The following PTPRR variants were observed in gnomAD, a reference collection of about 807,000 sequenced individuals.
PTPRR encodes protein tyrosine phosphatase receptor type R, also known as receptor-type tyrosine-protein phosphatase R.
Under a neutral mutation model 77.2 loss-of-function variants are expected in PTPRR, and 38 were observed. The ratio of observed to expected loss-of-function variants is 0.49; its 90% CI spans 0.38 to 0.65. The LOEUF is 0.65. Ranked by LOEUF, PTPRR falls within the 30% of genes least tolerant of loss-of-function variation. The probability of loss-of-function intolerance (pLI) is 0.00; values close to 1 mark genes in which losing one functional copy is unlikely to be tolerated. For synonymous variants in PTPRR, 299 were observed against 283.1 expected, an observed-to-expected ratio of 1.06 and a Z score of -0.57; for missense variants, 744 against 799.2, an observed-to-expected ratio of 0.93 and a Z score of 0.83.
chr12:70,692,289 G>A lies in PTPRR; in HGVS notation c.1279+5976C>T, dbSNP rs567107375. Among the ~76,000 whole-genome samples the A allele has an allele frequency of 4.6e-5, 7 of 152,250 alleles. No individual in the cohort carries two copies. In the South Asian group the frequency reaches 8.3e-4, roughly 18 times the overall value. ...ATACTTATTGATAATTCAGTTTAGAGCAGCCCTGATCAATAGAATTTTCTG... is the reference window on the plus strand; with the variant it reads ...ATACTTATTGATAATTCAGTTTAGAACAGCCCTGATCAATAGAATTTTCTG... On this transcript the variant is annotated intron_variant, in intron 8 of 13. Transcript: ENST00000283228.
At chr12:70,794,706 C>T (rs577850062) in intron 2 of PTPRR, among the ~76,000 whole-genome samples, 1 of 152,276 alleles carries the variant, frequency 6.6e-6, no homozygotes, top group South Asian at 2.1e-4. Flanking sequence ...CTCAATGACA[C>T]AGGACCTTGA....
intron 2 of PTPRR, among the ~76,000 whole-genome samples, chr12:70,875,490 C>T (rs1893035406): frequency 6.6e-6 from 1 of 151,826 alleles, no homozygotes; most frequent in Admixed American, 6.6e-5. Context: ...AATAAAATGT[C>T]AAACAAAAAT....
intron 2 of PTPRR, among the ~76,000 whole-genome samples, chr12:70,767,659 G>A (rs1339516118): frequency 6.6e-6 from 1 of 152,150 alleles, no homozygotes; most frequent in African/African-American, 2.4e-5. Flanking sequence ...TCTGCACCAA[G>A]CAGACCTAAT....
chr12:70,842,187 C>G (rs865963745), intron 2 of PTPRR, among the ~76,000 whole-genome samples: 27 of 152,050 alleles, frequency 1.8e-4, no homozygotes, highest in Admixed American at 1.1e-3. Context: ...TTACCTTTTC[C>G]CTATAATTCT....
Position 70,808,705 on chromosome 12 carries a change from A to G in PTPRR, c.358-43927T>C, listed in dbSNP as rs560944023. On this transcript the variant is annotated intron_variant, in intron 2 of 13. Transcript: ENST00000283228. ...TCTCTTTATAAATTCAGAGCACATAACTTCCTTATAAGCACACTTGTACAT... is the reference window on the plus strand; with the variant it reads ...TCTCTTTATAAATTCAGAGCACATAGCTTCCTTATAAGCACACTTGTACAT... Among the ~76,000 whole-genome samples, 3 of 152,244 alleles carry G rather than the reference A, an allele frequency of 2.0e-5. No homozygotes were observed. In the South Asian group the frequency reaches 6.2e-4, roughly 32 times the overall value.
At chr12:70,710,499 A>C (rs571731263) in intron 6 of PTPRR, among the ~76,000 whole-genome samples, 31 of 152,136 alleles carry the variant, frequency 2.0e-4, no homozygotes, top group Non-Finnish European at 3.2e-4. Flanking sequence ...GGACATAGGC[A>C]TTTCATGATG....
At chr12:70,904,672 T>C (rs765678832) in intron 1 of PTPRR, among the ~76,000 whole-genome samples, 27 of 151,898 alleles carry the variant, frequency 1.8e-4, no homozygotes, top group Non-Finnish European at 3.1e-4. Flanking sequence ...AAAAAGTCAA[T>C]AGGTTATACT....
intron 1 of PTPRR, among the ~76,000 whole-genome samples, chr12:70,906,149 C>T (rs1355023587): frequency 1.3e-5 from 2 of 151,902 alleles, no homozygotes; most frequent in African/African-American, 4.8e-5. Flanking sequence ...AAGGAAGGAC[C>T]TAGATTCTAA....
intron 2 of PTPRR, among the ~76,000 whole-genome samples, chr12:70,804,715 G>T (rs1891678982): frequency 6.6e-6 from 1 of 152,178 alleles, no homozygotes; most frequent in Non-Finnish European, 1.5e-5. Context: ...GAATCAGTCT[G>T]TTTCCTGGTT....
intron 10 of PTPRR, among the ~76,000 whole-genome samples, chr12:70,664,863 A>G (rs1886926091): frequency 6.6e-6 from 1 of 152,152 alleles, no homozygotes; most frequent in Admixed American, 6.5e-5. Flanking sequence ...TTTTTCCCTC[A>G]TTTAGATGAC....
chr12:70,806,590 A>G (rs1891713447), intron 2 of PTPRR, among the ~76,000 whole-genome samples: 1 of 152,210 alleles, frequency 6.6e-6, no homozygotes, highest in Non-Finnish European at 1.5e-5. Context: ...GTAAATTCAC[A>G]GCACATAACT....
chr12:70,672,086 G>A (rs1887248709), intron 10 of PTPRR: 2 of 1,363,862 alleles, frequency 1.5e-6, no homozygotes, highest in Admixed American at 1.7e-5. Context: ...CAACCTCAAT[G>A]CCTTTGACTC....
intron 2 of PTPRR, among the ~76,000 whole-genome samples, chr12:70,802,191 A>G (rs182387322): frequency 1.3e-5 from 2 of 152,352 alleles, no homozygotes; most frequent in East Asian, 3.9e-4. Flanking sequence ...TACTAAAAGA[A>G]TTATTGAATT....
At chr12:70,733,427 CAA>C (rs764791536) in intron 6 of PTPRR, among the ~76,000 whole-genome samples, 3 of 27,040 alleles carry the variant, frequency 1.1e-4, no homozygotes, top group South Asian at 1.5e-3. Flanking sequence ...CAAACAACAA[CAA>C]AAAAAAAAAA....
At chr12:70,915,992 A>G (rs1323572670) in intron 1 of PTPRR, among the ~76,000 whole-genome samples, 2 of 152,192 alleles carry the variant, frequency 1.3e-5, no homozygotes, top group Non-Finnish European at 2.9e-5. Flanking sequence ...TAAACAAAAC[A>G]GGCAAAAATA....
intron 13 of PTPRR, among the ~76,000 whole-genome samples, chr12:70,645,243 A>G (rs920369962): frequency 9.9e-5 from 15 of 152,134 alleles, no homozygotes; most frequent in Admixed American, 3.9e-4. Context: ...AAAGTTTTCC[A>G]TTGTTCACAA....
intron 2 of PTPRR, among the ~76,000 whole-genome samples, chr12:70,871,102 G>A (rs1273907577): frequency 6.6e-6 from 1 of 152,158 alleles, no homozygotes; most frequent in Non-Finnish European, 1.5e-5. Flanking sequence ...CAGTGTTAAG[G>A]CTTGTGGCAA....
rs568924693 is a variant in PTPRR at position 70,639,456 on chromosome 12, G to C, written c.1881-179C>G. The C allele has an allele frequency of 1.2e-4, 173 of 1,387,398 alleles. No individual in the cohort carries two copies. The African/African-American group carries it at 2.3e-3, about 19-fold the overall frequency. The allele number at this position is 1,387,398 out of a possible 1,614,324, so 85.9% of individuals were successfully genotyped here. A position where few individuals can be genotyped will look rare whatever the true frequency, so the allele number is the denominator to read the frequency against. On this transcript the variant is annotated intron_variant, in intron 13 of 13. Coordinates refer to ENST00000283228, the MANE Select transcript of PTPRR (RefSeq NM_002849.4). Reference sequence around the variant, plus strand: ...TGTCTCAACTATCAAAGTTAACATGGTAATGTATATAAAGGGCTTAACACA... The same window carrying C: ...TGTCTCAACTATCAAAGTTAACATGCTAATGTATATAAAGGGCTTAACACA...
At chr12:70,746,441 T>C (rs549876529) in intron 5 of PTPRR, among the ~76,000 whole-genome samples, 4 of 152,328 alleles carry the variant, frequency 2.6e-5, no homozygotes, top group South Asian at 2.1e-4. Flanking sequence ...AACACACGTC[T>C]ATGACATTTA....
Sources: gnomAD v4.1 joint callset for allele counts (sites outside exome capture counted in the v4.1 genomes callset) on GRCh38, gnomAD v4.1.1 for gene constraint, MANE v1.5 for transcripts, NCBI Gene and HGNC (gene_info 2026-07-23, HGNC 2026-07-21) for gene names.